The following ESRRB variants were observed in gnomAD, a reference collection of about 807,000 sequenced individuals.
ESRRB encodes the protein steroid hormone receptor ERR2.
In ESRRB, 16 loss-of-function variants were observed where a neutral mutation model predicts 46.0. The ratio of observed to expected loss-of-function variants is 0.35; its 90% CI spans 0.24 to 0.53. ESRRB has a LOEUF of 0.53. Among genes scored for constraint, ESRRB ranks in the 20% least tolerant of loss-of-function variants. ESRRB has a pLI of 0.93. For synonymous variants in ESRRB, 246 were observed against 259.6 expected, an observed-to-expected ratio of 0.95 and a Z score of 0.50; for missense variants, 488 against 607.4, an observed-to-expected ratio of 0.80 and a Z score of 2.07.
Position 76,439,736 on chromosome 14 carries a change from A to G in ESRRB, c.446A>G (p.Lys149Arg). 6.2e-7 allele frequency: 1 copy of G among 1,613,958 alleles called. No homozygotes were observed. The highest frequency in any genetic ancestry group is 8.5e-7 in the Non-Finnish European group (1 of 1,179,810). Residue 149 changes from lysine to arginine, a missense_variant, in exon 2 of 7, where the codon AAG becomes AGG. Physicochemically the swap from Lys to Arg is conservative, Grantham distance 26 (BLOSUM62 2). Coordinates refer to ENST00000644823, the MANE Select transcript of ESRRB (RefSeq NM_001379180.1). ...ASCEACKAFF[K>R]RTIQGNIEYS... The stretch of plus-strand genomic sequence containing the variant: ...TGCGAGGCTTGCAAGGCCTTCTTCA[A>G]GAGGACTATCCAAGGTGCGTGGTGG...
At position 76,491,449 on chromosome 14, in the gene ESRRB, T is replaced by G. The variant is rs772562666; in HGVS notation, c.853T>G (p.Phe285Val). The G allele has an allele frequency of 6.2e-7, 1 of 1,607,590 alleles. No homozygotes were observed. The highest frequency in any genetic ancestry group is 1.1e-5 in the South Asian group (1 of 89,852). The change falls in exon 6 of 7, where the codon TTC (phenylalanine) becomes GTC (valine). Residue 285 changes from phenylalanine to valine, a missense_variant and splice_region_variant. By Grantham distance (50) the Phe-to-Val change is conservative. Coordinates refer to ENST00000644823, the MANE Select transcript of ESRRB (RefSeq NM_001379180.1). ...IIGWAKHIPG[F>V]SSLSLGDQMS... The stretch of plus-strand genomic sequence containing the variant: ...CTCTGTGCCCCCTCTTCCTGCAGGC[T>G]TCTCAAGCCTCTCCCTGGGGGACCA...
intron 2 of ESRRB, among the ~76,000 whole-genome samples, chr14:76,461,242 A>G (rs1352059482): frequency 6.6e-6 from 1 of 152,078 alleles, no homozygotes; most frequent in Non-Finnish European, 1.5e-5. Context: ...GCATAGAAAC[A>G]CTTGGAAAAC....
chr14:76,380,669 T>G (rs1884973317), intron 1 of ESRRB, among the ~76,000 whole-genome samples: 1 of 152,190 alleles, frequency 6.6e-6, no homozygotes, highest in Non-Finnish European at 1.5e-5. Context: ...CTGCCCAGAA[T>G]TAGCGAGGAT....
intron 1 of ESRRB, among the ~76,000 whole-genome samples, chr14:76,344,050 G>C (rs1173540654): frequency 6.6e-6 from 1 of 152,194 alleles, no homozygotes; most frequent in Non-Finnish European, 1.5e-5. Flanking sequence ...GATTTGAATG[G>C]TGCCTGCGGC....
chr14:76,367,248 G>A (rs528546301), upstream of ESRRB, among the ~76,000 whole-genome samples: 1 of 151,874 alleles, frequency 6.6e-6, no homozygotes, highest in South Asian at 2.1e-4. Flanking sequence ...TTTCTGGAAA[G>A]CTTATAAAGA....
chr14:76,449,841 A>C (rs1412266280), intron 2 of ESRRB, among the ~76,000 whole-genome samples: 1 of 140,202 alleles, frequency 7.1e-6, no homozygotes, highest in African/African-American at 2.8e-5. Flanking sequence ...ATCATGGCTT[A>C]CTGTAGCCTC....
At chr14:76,316,001 C>T (rs1380444434) in intron 1 of ESRRB, among the ~76,000 whole-genome samples, 2 of 152,202 alleles carry the variant, frequency 1.3e-5, no homozygotes, top group Non-Finnish European at 2.9e-5. Context: ...GTCTCCAAGT[C>T]ACTGCTGCAC....
At chr14:76,402,691 C>T (rs1885994350) in intron 1 of ESRRB, among the ~76,000 whole-genome samples, 1 of 152,068 alleles carries the variant, frequency 6.6e-6, no homozygotes, top group South Asian at 2.1e-4. Context: ...TCTGGGAATT[C>T]TTTCTTTCTT....
rs969465962 is a variant in ESRRB at position 76,500,816 on chromosome 14, C to G, written c.*2358C>G. 2 of 1,389,094 alleles carry G rather than the reference C, an allele frequency of 1.4e-6. No homozygotes were observed. The highest frequency in any genetic ancestry group is 2.1e-6 in the Non-Finnish European group (2 of 974,950). 86.0% of individuals were successfully genotyped at this position (1,389,094 alleles called of 1,614,324 possible). A position where few individuals can be genotyped will look rare whatever the true frequency, so the allele number is the denominator to read the frequency against. ...CGAGTGACCTCACTTCAGAGCCCCT[C>G]TAGCAGAGTGGGGCGGAAGTCCTGA... is the stretch of plus-strand genomic sequence containing the variant. On this transcript the variant is annotated 3_prime_UTR_variant, in exon 7 of 7. Coordinates refer to ENST00000644823, the MANE Select transcript of ESRRB (RefSeq NM_001379180.1).
chr14:76,398,389 C>A (rs975793398), intron 1 of ESRRB, among the ~76,000 whole-genome samples: 2 of 152,204 alleles, frequency 1.3e-5, no homozygotes, highest in Admixed American at 6.5e-5. Context: ...ATAGTTCCCC[C>A]ATATTTCAAT....
intron 1 of ESRRB, among the ~76,000 whole-genome samples, chr14:76,409,424 C>T (rs1297380516): frequency 6.6e-6 from 1 of 152,142 alleles, no homozygotes; most frequent in African/African-American, 2.4e-5. Context: ...GCCTGCACCC[C>T]CCAGTCCCTC....
At chr14:76,474,604 G>C (rs1278006029) in intron 3 of ESRRB, among the ~76,000 whole-genome samples, 1 of 152,136 alleles carries the variant, frequency 6.6e-6, no homozygotes, top group African/African-American at 2.4e-5. Context: ...ATTTCGGGAG[G>C]CTGAAGAGGG....
At chr14:76,483,237 G>A (rs151147029) in intron 5 of ESRRB, among the ~76,000 whole-genome samples, 2 of 152,350 alleles carry the variant, frequency 1.3e-5, no homozygotes, top group East Asian at 3.9e-4. Flanking sequence ...TACTAGCTGA[G>A]TAACCCTAGG....
intron 3 of ESRRB, among the ~76,000 whole-genome samples, chr14:76,480,806 G>A (rs1283794463): frequency 6.6e-6 from 1 of 152,362 alleles, no homozygotes; most frequent in African/African-American, 2.4e-5. Flanking sequence ...GGGGCTCTGT[G>A]AGGGTGATAC....
chr14:76,351,800 G>C (rs1884315836), intron 1 of ESRRB, among the ~76,000 whole-genome samples: 1 of 152,056 alleles, frequency 6.6e-6, no homozygotes, highest in Admixed American at 6.6e-5. Flanking sequence ...GTGAATGTCA[G>C]TGGGGGACTC....
chr14:76,462,797 A>C (rs1595142843), intron 3 of ESRRB, 136 bp downstream of exon 3: 46 of 757,178 alleles, frequency 6.1e-5, no homozygotes, highest in East Asian at 1.0e-4. Context: ...CTCCTCCCAC[A>C]CCCTGCCAGC....
chr14:76,385,056 C>T (rs4344663), intron 1 of ESRRB, among the ~76,000 whole-genome samples: 81,145 of 151,980 alleles, frequency 0.53, 21,584 homozygotes, highest in Admixed American at 0.58. Flanking sequence ...ATCAATGCTT[C>T]TGTTATTTCC....
At chr14:76,388,175 C>CTTTTTTTTTT (rs35368784) in intron 1 of ESRRB, among the ~76,000 whole-genome samples, 4 of 118,258 alleles carry the variant, frequency 3.4e-5, no homozygotes, top group East Asian at 4.9e-4. Flanking sequence ...TTCTTTCATT[C>CTTTTTTTTTT]TTTTTTTTTT....
In ESRRB at chr14:76,500,644, C is replaced by T; in HGVS notation, c.*2186C>T. ...CACTTCCTGCTCAAGCTGGAGGACC[C>T]AGGCGGCAGGGCATCATGCCCAGCT... On this transcript the variant is annotated 3_prime_UTR_variant, in exon 7 of 7. Transcript: ENST00000644823. The T allele has an allele frequency of 6.2e-7, 1 of 1,606,960 alleles. No individual in the cohort carries two copies. Among genetic ancestry groups the T allele is most frequent in the Non-Finnish European group, 8.5e-7 (1 of 1,174,028 alleles).
Sources: allele counts gnomAD v4.1 joint callset (sites outside exome capture counted in the v4.1 genomes callset), GRCh38; gene constraint gnomAD v4.1.1; transcripts MANE v1.5; gene names NCBI Gene and HGNC (gene_info 2026-07-23, HGNC 2026-07-21).